LDLRAD3: variants seen among roughly 807,000 people sequenced by gnomAD.
LDLRAD3 encodes low-density lipoprotein receptor class A domain-containing protein 3.
A neutral mutation model predicts 29.4 loss-of-function variants in LDLRAD3; 20 were observed. That is an observed-to-expected ratio of 0.68 (90% CI 0.48 to 0.99). The LOEUF is 0.99. Among genes scored for constraint, LDLRAD3 ranks in the 50% least tolerant of loss-of-function variants. LDLRAD3 has a pLI of 0.00. For missense variants in LDLRAD3, 420 were observed against 454.3 expected, an observed-to-expected ratio of 0.92 and a Z score of 0.69; for synonymous variants, 157 against 192.7, an observed-to-expected ratio of 0.81 and a Z score of 1.53.
intron 2 of LDLRAD3, among the ~76,000 whole-genome samples, chr11:36,050,302 G>A (rs988539663): frequency 3.3e-5 from 5 of 152,190 alleles, no homozygotes; most frequent in South Asian, 2.1e-4. Flanking sequence ...GCCCATCACC[G>A]TCACTCTGCT....
At chr11:36,012,243 A>G (rs544434368) in intron 1 of LDLRAD3, among the ~76,000 whole-genome samples, 1 of 152,288 alleles carries the variant, frequency 6.6e-6, no homozygotes, top group South Asian at 2.1e-4. Context: ...ATGCCTTTCC[A>G]TCCTAACTAA....
intron 4 of LDLRAD3, among the ~76,000 whole-genome samples, chr11:36,185,117 C>A (rs1854827130): frequency 6.6e-6 from 1 of 152,164 alleles, no homozygotes; most frequent in Non-Finnish European, 1.5e-5. Context: ...AACTGGAAGT[C>A]TCTGCGCTAG....
intron 1 of LDLRAD3, among the ~76,000 whole-genome samples, chr11:36,021,398 G>T (rs1469648729): frequency 6.6e-6 from 1 of 152,158 alleles, no homozygotes; most frequent in Non-Finnish European, 1.5e-5. Flanking sequence ...TGTGTTAACG[G>T]GAGGCAGAGG....
intron 4 of LDLRAD3, among the ~76,000 whole-genome samples, chr11:36,139,217 A>G (rs1854043735): frequency 6.6e-6 from 1 of 152,192 alleles, no homozygotes; most frequent in African/African-American, 2.4e-5. Context: ...CCTGGTCCCT[A>G]AGTTGTGACA....
At chr11:36,086,728 T>C (rs1048531143) in intron 3 of LDLRAD3, among the ~76,000 whole-genome samples, 1 of 152,192 alleles carries the variant, frequency 6.6e-6, no homozygotes, top group East Asian at 1.9e-4. Context: ...CTCGCCACCA[T>C]TTTGGTGATA....
rs934201275 is a variant in LDLRAD3 at position 36,173,850 on chromosome 11, T to C, written c.455-53235T>C. On this transcript the variant is annotated intron_variant, in intron 4 of 5. Coordinates refer to ENST00000315571, the MANE Select transcript of LDLRAD3 (RefSeq NM_174902.4). ...CTACCAATGACTTTCTTCACAGAAT[T>C]GGAAAAAAACTACTTTAAAGTTCAT... Among the ~76,000 whole-genome samples, 11 of 10,536 alleles carry C rather than the reference T, an allele frequency of 1.0e-3. No individual in the cohort carries two copies. The Non-Finnish European group carries it at 0.019, about 18-fold the overall frequency. 6.9% of individuals were successfully genotyped at this position (10,536 alleles called of 152,430 possible). A position where few individuals can be genotyped will look rare whatever the true frequency, so the allele number is the denominator to read the frequency against.
intron 1 of LDLRAD3, among the ~76,000 whole-genome samples, chr11:35,965,497 T>C (rs1023938745): frequency 4.6e-5 from 7 of 151,056 alleles, no homozygotes; most frequent in African/African-American, 1.7e-4. Context: ...CATGGGAGGG[T>C]GTAGGTAATT....
At chr11:36,084,477 AT>A (rs548269167) in intron 3 of LDLRAD3, among the ~76,000 whole-genome samples, 41 of 152,096 alleles carry the variant, frequency 2.7e-4, no homozygotes, top group Admixed American at 5.2e-4. Context: ...AGTAAATACA[AT>A]TTTTTTTAAT....
At chr11:36,127,674 T>C (rs971127188) in intron 4 of LDLRAD3, among the ~76,000 whole-genome samples, 1 of 152,194 alleles carries the variant, frequency 6.6e-6, no homozygotes, top group Non-Finnish European at 1.5e-5. Context: ...CTTCTTACCA[T>C]GTCTGAGCCA....
In LDLRAD3 at chr11:36,206,212, G is replaced by A. The variant is rs574775864; in HGVS notation, c.455-20873G>A. Among the ~76,000 whole-genome samples the A allele has an allele frequency of 1.3e-4, 20 of 152,254 alleles. No homozygotes were observed. In the South Asian group the frequency reaches 3.5e-3, roughly 27 times the overall value. ...GCTTCTAAGAGTTAATACTGTATGC[G>A]GTAGGTGCTGGGGCTGCCTGTTGGT... On this transcript the variant is annotated intron_variant, in intron 4 of 5. Coordinates refer to ENST00000315571, the MANE Select transcript of LDLRAD3 (RefSeq NM_174902.4).
intron 1 of LDLRAD3, among the ~76,000 whole-genome samples, chr11:35,945,843 C>G (rs1001759501): frequency 2.0e-5 from 3 of 152,176 alleles, no homozygotes; most frequent in African/African-American, 4.8e-5. Flanking sequence ...TTTTGTCCCT[C>G]TCTGGTCAGC....
intron 1 of LDLRAD3, chr11:35,968,262 G>C (rs1270200246): frequency 7.6e-6 from 3 of 396,198 alleles, no homozygotes; most frequent in Non-Finnish European, 1.5e-5. Flanking sequence ...CAGAGCCAGT[G>C]AGGTCATCTC....
In LDLRAD3 at chr11:36,213,803, G is replaced by A. The variant is rs114777155; in HGVS notation, c.455-13282G>A. ...CACAGCTTGGAGGCTCTGTGCCCCT[G>A]TGAATCCCAACTGTTCTCCCTGCCT... On this transcript the variant is annotated intron_variant, in intron 4 of 5. Coordinates refer to ENST00000315571, the MANE Select transcript of LDLRAD3 (RefSeq NM_174902.4). This position sits in a 1 kb window ranked among gnomAD's most constrained non-coding sequence, Gnocchi z 4.1. Among the ~76,000 whole-genome samples, 206 of 152,260 alleles carry A rather than the reference G, an allele frequency of 1.4e-3. No homozygotes were observed. Among genetic ancestry groups the A allele is most frequent in the African/African-American group, 4.7e-3 (194 of 41,546 alleles).
At chr11:36,214,764 T>C (rs1177357111) in intron 4 of LDLRAD3, among the ~76,000 whole-genome samples, 1 of 152,168 alleles carries the variant, frequency 6.6e-6, no homozygotes, top group African/African-American at 2.4e-5. Flanking sequence ...TTTTCTCACC[T>C]GTGAGGCTGA....
At chr11:36,143,896 T>G (rs1183097538) in intron 4 of LDLRAD3, among the ~76,000 whole-genome samples, 2 of 149,168 alleles carry the variant, frequency 1.3e-5, no homozygotes, top group Non-Finnish European at 3.0e-5. Flanking sequence ...TCTAAAGTGT[T>G]GGAGGCTCCC....
intron 1 of LDLRAD3, among the ~76,000 whole-genome samples, chr11:35,949,220 A>T (rs61879121): frequency 0.057 from 8,687 of 152,168 alleles, 319 homozygotes; most frequent in Admixed American, 0.11. Flanking sequence ...CTCTTGTGTC[A>T]GAGTGAAAAC....
chr11:36,100,512 T>G (rs766168692), intron 4 of LDLRAD3, among the ~76,000 whole-genome samples: 1 of 152,206 alleles, frequency 6.6e-6, no homozygotes, highest in Non-Finnish European at 1.5e-5. Context: ...TGATCTTGGC[T>G]CAGTGCAACC....
At chr11:35,958,221 C>T (rs566839622) in intron 1 of LDLRAD3, among the ~76,000 whole-genome samples, 9 of 152,332 alleles carry the variant, frequency 5.9e-5, no homozygotes, top group African/African-American at 2.2e-4. Flanking sequence ...CTCAGTCACA[C>T]CCAGCCTATT....
chr11:36,144,866 C>T (rs1590305522), intron 4 of LDLRAD3, among the ~76,000 whole-genome samples: 1 of 101,008 alleles, frequency 9.9e-6, no homozygotes, highest in African/African-American at 3.3e-5. Flanking sequence ...GGGGTCAGCC[C>T]CCCGCCCGGC....
Sources: allele counts gnomAD v4.1 joint callset (sites outside exome capture counted in the v4.1 genomes callset), GRCh38; gene constraint gnomAD v4.1.1; non-coding constraint Gnocchi (gnomAD v3.1); transcripts MANE v1.5; gene names NCBI Gene and HGNC (gene_info 2026-07-23, HGNC 2026-07-21).